MYO16: variants seen among roughly 807,000 people sequenced by gnomAD.
The protein encoded by MYO16 is unconventional myosin-XVI.
A neutral mutation model predicts 205.3 loss-of-function variants in MYO16; 94 were observed. The ratio of observed to expected loss-of-function variants is 0.46; its 90% confidence interval spans 0.39 to 0.54. MYO16 has a LOEUF of 0.54. MYO16 is among the 20% of genes least tolerant of loss of function. The pLI is 0.00. For synonymous variants in MYO16, 988 were observed against 954.0 expected, an observed-to-expected ratio of 1.04 and a Z score of -0.66; for missense variants, 2,315 against 2,387.5, an observed-to-expected ratio of 0.97 and a Z score of 0.63.
chr13:109,191,548 G>T (rs1483442570), intron 34 of MYO16, among the ~76,000 whole-genome samples: 2 of 152,122 alleles, frequency 1.3e-5, no homozygotes, highest in Non-Finnish European at 2.9e-5. Context: ...AGCCTCCTGA[G>T]CAAAGATATG....
At chr13:108,868,353 C>T (rs1337687008) in intron 12 of MYO16, among the ~76,000 whole-genome samples, 1 of 152,070 alleles carries the variant, frequency 6.6e-6, no homozygotes, top group Non-Finnish European at 1.5e-5. Flanking sequence ...TCTTATTGCT[C>T]TAATTTGTGT....
At chr13:108,663,081 T>G (rs1335840846) in intron 1 of MYO16, among the ~76,000 whole-genome samples, 1 of 152,170 alleles carries the variant, frequency 6.6e-6, no homozygotes, top group Non-Finnish European at 1.5e-5. Context: ...CTTCTGCAGT[T>G]GGGGCACTCA....
intron 16 of MYO16, among the ~76,000 whole-genome samples, chr13:108,956,420 T>C (rs1030052986): frequency 1.3e-5 from 2 of 152,168 alleles, no homozygotes; most frequent in African/African-American, 2.4e-5. Context: ...AATCTTGCCC[T>C]GGGCTACCAG....
At chr13:109,051,226 T>C (rs913597714) in intron 24 of MYO16, among the ~76,000 whole-genome samples, 24 of 152,202 alleles carry the variant, frequency 1.6e-4, no homozygotes, top group African/African-American at 5.8e-4. Flanking sequence ...TCCTGACAGT[T>C]CTTCCTGCTT....
At chr13:109,022,227 A>T (rs533863546) in intron 23 of MYO16, among the ~76,000 whole-genome samples, 3 of 133,646 alleles carry the variant, frequency 2.2e-5, no homozygotes, top group South Asian at 4.7e-4. Context: ...TTTATATATT[A>T]TATATATGTA....
chr13:108,559,296 G>A, the MYO16 span, among the ~76,000 whole-genome samples: 1 of 151,960 alleles, frequency 6.6e-6, no homozygotes, highest in African/African-American at 2.4e-5. Flanking sequence ...GCCAAGGATT[G>A]CTGGGAGCCC....
chr13:109,140,739 G>A lies in MYO16; in HGVS notation c.4527G>A (p.Pro1509=), dbSNP rs1282083679. The A allele has an allele frequency of 6.6e-7, 1 of 1,520,200 alleles. No individual in the cohort carries two copies. The highest frequency in any genetic ancestry group is 1.2e-5 in the South Asian group (1 of 80,810). 94.2% of individuals were successfully genotyped at this position (1,520,200 alleles called of 1,614,324 possible). A position where few individuals can be genotyped will look rare whatever the true frequency, so the allele number is the denominator to read the frequency against. The change falls in exon 32 of 35, where the codon CCG becomes CCA. Residue 1509 remains proline (P), a synonymous_variant. Coordinates refer to ENST00000457511, the MANE Select transcript of MYO16 (RefSeq NM_001198950.3). This position sits in a 1 kb window ranked among gnomAD's most constrained non-coding sequence, Gnocchi z 8.0. ...DIPPPFPNLL[P]HRPPLLVFPP... ...CGCCGCCCTTCCCCAACCTGCTGCC[G>A]CACCGGCCGCCCCTGCTGGTGTTCC...
intron 16 of MYO16, among the ~76,000 whole-genome samples, chr13:108,925,539 T>G (rs1213647342): frequency 1.3e-5 from 2 of 152,188 alleles, no homozygotes; most frequent in Non-Finnish European, 2.9e-5. Flanking sequence ...GGTTGAACAT[T>G]TTGACTTTCT....
chr13:108,952,686 C>G (rs1247540145), intron 16 of MYO16, among the ~76,000 whole-genome samples: 1 of 152,152 alleles, frequency 6.6e-6, no homozygotes, highest in East Asian at 1.9e-4. Flanking sequence ...CTTGATCTGC[C>G]AATCTTTTAA....
intron 20 of MYO16, among the ~76,000 whole-genome samples, chr13:108,988,746 C>T (rs948075843): frequency 2.0e-5 from 3 of 152,120 alleles, no homozygotes; most frequent in East Asian, 1.9e-4. Context: ...AAACAATATG[C>T]CATGATTATA....
At chr13:108,643,698 C>T (rs1405940992) in intron 1 of MYO16, among the ~76,000 whole-genome samples, 2 of 152,208 alleles carry the variant, frequency 1.3e-5, no homozygotes, top group Non-Finnish European at 2.9e-5. Context: ...ACCCCATTCA[C>T]TAGTTTGTGG....
intron 3 of MYO16, among the ~76,000 whole-genome samples, chr13:108,726,620 A>T (rs1278959427): frequency 1.3e-5 from 2 of 152,080 alleles, no homozygotes; most frequent in Non-Finnish European, 2.9e-5. Context: ...TGATTTGAAG[A>T]GGCCAATGCA....
At chr13:108,772,653 T>C (rs901952999) in intron 4 of MYO16, among the ~76,000 whole-genome samples, 1 of 152,204 alleles carries the variant, frequency 6.6e-6, no homozygotes, top group African/African-American at 2.4e-5. Context: ...ATGTTAACTG[T>C]GGTTTAAGTA....
the MYO16 span, among the ~76,000 whole-genome samples, chr13:108,586,483 A>G: frequency 1.3e-5 from 2 of 152,202 alleles, no homozygotes; most frequent in Admixed American, 6.5e-5. Flanking sequence ...AGTGTATCCA[A>G]AGAAAAAGAG....
At chr13:109,090,710 C>T (rs754326447) in intron 27 of MYO16, among the ~76,000 whole-genome samples, 2 of 152,098 alleles carry the variant, frequency 1.3e-5, no homozygotes, top group African/African-American at 2.4e-5. Flanking sequence ...AAAATGTGCA[C>T]GTGTAGAGAA....
At chr13:108,968,145 C>T (rs118026733) in intron 20 of MYO16, among the ~76,000 whole-genome samples, 8 of 152,328 alleles carry the variant, frequency 5.3e-5, no homozygotes, top group South Asian at 2.1e-4. Context: ...CAGCCTCTCA[C>T]GGCAGTACCT....
chr13:108,949,209 C>T (rs1883050417), intron 16 of MYO16, among the ~76,000 whole-genome samples: 1 of 152,082 alleles, frequency 6.6e-6, no homozygotes, highest in Non-Finnish European at 1.5e-5. Context: ...TTTTTTCATA[C>T]TGATTGATAA....
chr13:108,575,354 T>G, the MYO16 span, among the ~76,000 whole-genome samples: 1 of 152,296 alleles, frequency 6.6e-6, no homozygotes, highest in Non-Finnish European at 1.5e-5. Context: ...ATCCTTTGCC[T>G]GCACACCTCT....
intron 27 of MYO16, among the ~76,000 whole-genome samples, chr13:109,076,847 G>C: frequency 6.6e-6 from 1 of 152,120 alleles, no homozygotes; most frequent in East Asian, 1.9e-4. Context: ...GAATCTAAAA[G>C]TAAGACTGGG....
Sources: allele counts gnomAD v4.1 joint callset (sites outside exome capture counted in the v4.1 genomes callset), GRCh38; gene constraint gnomAD v4.1.1; non-coding constraint Gnocchi (gnomAD v3.1); transcripts MANE v1.5; gene names NCBI Gene and HGNC (gene_info 2026-07-23, HGNC 2026-07-21).